Variants in SLMAP observed in about 807,000 individuals in gnomAD.
SLMAP encodes sarcolemma associated protein.
In SLMAP, 44 loss-of-function variants were observed where a neutral mutation model predicts 128.8. The observed-to-expected ratio is 0.34, with a 90% CI of 0.27 to 0.44. The LOEUF is 0.44. SLMAP is among the 20% of genes least tolerant of loss of function. SLMAP has a pLI of 1.00. For missense variants in SLMAP, 787 were observed against 985.3 expected (o/e 0.80, Z 2.69); for synonymous variants, 327 against 348.8 (o/e 0.94, Z 0.70).
At chr3:57,916,619 A>G (rs1430419674) in intron 21 of SLMAP, among the ~76,000 whole-genome samples, 4 of 152,192 alleles carry the variant, frequency 2.6e-5, no homozygotes, top group Admixed American at 2.0e-4. Flanking sequence ...TCATGATGAA[A>G]TTAATACAAT....
chr3:57,848,236 G>GT (rs1232882477), intron 5 of SLMAP, among the ~76,000 whole-genome samples: 1 of 139,178 alleles, frequency 7.2e-6, no homozygotes, highest in Non-Finnish European at 1.6e-5. Flanking sequence ...CTCCTTCTTG[G>GT]TTTTTTCTCC....
intron 14 of SLMAP, among the ~76,000 whole-genome samples, chr3:57,877,833 T>TC (rs1009962927): frequency 1.9e-4 from 24 of 129,290 alleles, no homozygotes; most frequent in Admixed American, 3.0e-4. Context: ...TTTTCCTTCT[T>TC]TTTTTTTTTT....
chr3:57,761,248 A>G (rs1187493453), intron 2 of SLMAP, among the ~76,000 whole-genome samples: 1 of 151,824 alleles, frequency 6.6e-6, no homozygotes, highest in East Asian at 1.9e-4. Flanking sequence ...ATGAGAAATT[A>G]TTTTCTTTAA....
At chr3:57,858,869 G>A (rs990925866) in intron 8 of SLMAP, among the ~76,000 whole-genome samples, 5 of 152,176 alleles carry the variant, frequency 3.3e-5, no homozygotes, top group Non-Finnish European at 7.3e-5. Flanking sequence ...TTGAACCCAG[G>A]AGGCAGAGGT....
chr3:57,910,593 A>T (rs114189181), intron 19 of SLMAP, among the ~76,000 whole-genome samples: 2 of 152,160 alleles, frequency 1.3e-5, no homozygotes, highest in Non-Finnish European at 2.9e-5. Flanking sequence ...CTGGGCTATT[A>T]CAGGGTTATT....
At chr3:57,835,841 T>C (rs546341627) in intron 3 of SLMAP, among the ~76,000 whole-genome samples, 1 of 152,338 alleles carries the variant, frequency 6.6e-6, no homozygotes, top group East Asian at 1.9e-4. Flanking sequence ...AGGATTTGTA[T>C]AGTGTAACCA....
chr3:57,857,199 A>G (rs1326723193), intron 6 of SLMAP, among the ~76,000 whole-genome samples: 11 of 152,198 alleles, frequency 7.2e-5, no homozygotes, highest in Admixed American at 7.2e-4. Context: ...TTGCAGTTAG[A>G]GAACCTCTAA....
At chr3:57,828,598 A>G (rs1473536613) in intron 2 of SLMAP, among the ~76,000 whole-genome samples, 7 of 152,142 alleles carry the variant, frequency 4.6e-5, no homozygotes, top group Admixed American at 4.6e-4. Flanking sequence ...CTACAATGGT[A>G]AGGACTTCGG....
intron 2 of SLMAP, among the ~76,000 whole-genome samples, chr3:57,811,573 C>CT (rs1222094435): frequency 1.3e-5 from 2 of 152,268 alleles, no homozygotes; most frequent in African/African-American, 2.4e-5. Flanking sequence ...ACCAGTATCT[C>CT]TTTGAGACCC....
intron 2 of SLMAP, among the ~76,000 whole-genome samples, chr3:57,797,064 C>T (rs887312698): frequency 6.6e-6 from 1 of 151,412 alleles, no homozygotes; most frequent in Non-Finnish European, 1.5e-5. Flanking sequence ...TGCCTATAGT[C>T]CCAGCTACAT....
At chr3:57,822,758 C>T (rs1169230563) in intron 2 of SLMAP, among the ~76,000 whole-genome samples, 1 of 152,134 alleles carries the variant, frequency 6.6e-6, no homozygotes, top group Non-Finnish European at 1.5e-5. Flanking sequence ...GTTTCAACCC[C>T]CACAAGCTGA....
intron 11 of SLMAP, 45 bp downstream of exon 11, chr3:57,864,761 T>A: frequency 6.4e-7 from 1 of 1,569,852 alleles, no homozygotes; most frequent in Non-Finnish European, 8.6e-7. Flanking sequence ...TTTTTTTTCT[T>A]GTTATCTGTG....
chr3:57,848,254 C>G (rs1473317270), intron 5 of SLMAP, among the ~76,000 whole-genome samples: 1 of 149,200 alleles, frequency 6.7e-6, no homozygotes, highest in Non-Finnish European at 1.5e-5. Flanking sequence ...TCCTTCTTCT[C>G]CTCCTCCTCC....
At chr3:57,790,026 G>A (rs932296591) in intron 2 of SLMAP, among the ~76,000 whole-genome samples, 13 of 151,944 alleles carry the variant, frequency 8.6e-5, no homozygotes, top group African/African-American at 2.4e-4. Flanking sequence ...TAGTAGAGAC[G>A]GGGTTTCACC....
At chr3:57,894,618 T>C (rs917973697) in intron 15 of SLMAP, among the ~76,000 whole-genome samples, 14 of 152,266 alleles carry the variant, frequency 9.2e-5, no homozygotes, top group African/African-American at 3.4e-4. Context: ...AAATAAAGTA[T>C]GATTAATTGA....
At chr3:57,897,128 G>C (rs1187858484) in intron 17 of SLMAP, 196 bp downstream of exon 17, 9 of 1,341,262 alleles carry the variant, frequency 6.7e-6, no homozygotes, top group Non-Finnish European at 8.6e-6. Context: ...GAATAATTTG[G>C]ATCAGTCAAG....
At chr3:57,900,427 G>T (rs558353274) in intron 17 of SLMAP, 1 of 152,176 alleles carries the variant, frequency 6.6e-6, no homozygotes, top group East Asian at 1.9e-4. Context: ...CCCATAAAAC[G>T]TTTTTTAAAA....
chr3:57,809,942 T>C (rs2090638478), intron 2 of SLMAP, among the ~76,000 whole-genome samples: 1 of 152,186 alleles, frequency 6.6e-6, no homozygotes, highest in African/African-American at 2.4e-5. Flanking sequence ...AAGGCAAGGC[T>C]GAAAGAGCTG....
intron 9 of SLMAP, among the ~76,000 whole-genome samples, chr3:57,861,681 A>T (rs1281548380): frequency 1.3e-5 from 2 of 152,160 alleles, no homozygotes; most frequent in African/African-American, 4.8e-5. Context: ...CAAAAATGTA[A>T]TTATATAAAG....
Sources: gnomAD v4.1 joint callset for allele counts (sites outside exome capture counted in the v4.1 genomes callset) on GRCh38, gnomAD v4.1.1 for gene constraint, MANE v1.5 for transcripts, NCBI Gene and HGNC (gene_info 2026-07-23, HGNC 2026-07-21) for gene names.